Variants in KIAA1217 observed in about 807,000 individuals in gnomAD.
The protein encoded by KIAA1217 is sickle tail protein homolog.
KIAA1217 carries 88 observed loss-of-function variants against 163.9 expected under a neutral mutation model. That is an observed-to-expected ratio of 0.54 (90% CI 0.45 to 0.64). KIAA1217 has a LOEUF of 0.64. Among genes scored for constraint, KIAA1217 ranks in the 30% least tolerant of loss-of-function variants. The pLI, the probability that KIAA1217 is intolerant of heterozygous loss-of-function variation, is 0.00. For missense variants in KIAA1217, 2,372 were observed against 2,475.0 expected (o/e 0.96, Z 0.88); for synonymous variants, 903 against 923.1 (o/e 0.98, Z 0.39).
intron 1 of KIAA1217, among the ~76,000 whole-genome samples, chr10:24,001,920 A>G (rs1217509540): frequency 6.6e-6 from 1 of 152,108 alleles, no homozygotes; most frequent in Non-Finnish European, 1.5e-5. Flanking sequence ...TTTCAGGCAG[A>G]TACTGGATAT....
rs182009045 is a variant in KIAA1217, at chr10:24,495,330, C to G, written c.1834+134C>G. 120 of 648,204 alleles carry G rather than the reference C, an allele frequency of 1.9e-4. No homozygotes were observed. The East Asian group carries it at 3.3e-3, about 18-fold the overall frequency. 40.2% of individuals were successfully genotyped at this position (648,204 alleles called of 1,614,324 possible). A position where few individuals can be genotyped will look rare whatever the true frequency, so the allele number is the denominator to read the frequency against. Reference sequence around the variant, plus strand: ...GTCAGGGGATTCCTAGATATTCCTGCCAATACTGAAATTCCAGATTTATTC... The same window carrying G: ...GTCAGGGGATTCCTAGATATTCCTGGCAATACTGAAATTCCAGATTTATTC... On this transcript the variant is annotated intron_variant, in intron 8 of 20. Transcript: ENST00000376454.
At chr10:24,509,521 TC>T (rs1476527079) in intron 9 of KIAA1217, among the ~76,000 whole-genome samples, 1 of 152,232 alleles carries the variant, frequency 6.6e-6, no homozygotes, top group African/African-American at 2.4e-5. Flanking sequence ...CGTTGTATTT[TC>T]CAATATTTCT....
chr10:24,263,746 G>A (rs549927157), intron 2 of KIAA1217, among the ~76,000 whole-genome samples: 13 of 152,284 alleles, frequency 8.5e-5, no homozygotes, highest in Middle Eastern at 3.4e-3. Context: ...GTTACGAGAT[G>A]CCTCTAACAT....
chr10:23,890,969 T>A (rs1841392874), intron 1 of KIAA1217, among the ~76,000 whole-genome samples: 1 of 151,998 alleles, frequency 6.6e-6, no homozygotes, highest in Non-Finnish European at 1.5e-5. Context: ...ATAAATTTCC[T>A]TTTTACCATT....
rs536272893 is a variant in KIAA1217, at chr10:23,829,287, G to A, written c.-321+134053G>A. ...CTATTCACTTATCATCTAATTTCCC[G>A]TTACCTGGATAATTACTGGACACTT... On this transcript the variant is annotated intron_variant, in intron 1 of 18. Coordinates refer to the KIAA1217 transcript ENST00000376462. 2.6e-4 allele frequency among the ~76,000 whole-genome samples: 39 copies of A among 152,200 alleles called. 1 individual carries two copies. Among genetic ancestry groups the A allele is most frequent in the Middle Eastern group, 3.4e-3 (1 of 294 alleles).
intron 1 of KIAA1217, among the ~76,000 whole-genome samples, chr10:23,904,582 A>G (rs769335519): frequency 1.3e-5 from 2 of 152,096 alleles, no homozygotes; most frequent in African/African-American, 2.4e-5. Context: ...GAGTCATGGC[A>G]GCAGGGGAAA....
At chr10:23,773,013 A>G (rs1375879093) in intron 1 of KIAA1217, among the ~76,000 whole-genome samples, 2 of 152,202 alleles carry the variant, frequency 1.3e-5, no homozygotes, top group Admixed American at 1.3e-4. Flanking sequence ...ATTCTCGCTT[A>G]TGGAGTGGGG....
At chr10:23,767,033 G>A (rs1351249897) in intron 1 of KIAA1217, among the ~76,000 whole-genome samples, 2 of 152,206 alleles carry the variant, frequency 1.3e-5, no homozygotes, top group South Asian at 2.1e-4. Flanking sequence ...GATTAGCTGG[G>A]TTATGCAGGA....
chr10:24,312,627 CA>C (rs931164185), intron 2 of KIAA1217, among the ~76,000 whole-genome samples: 28 of 150,474 alleles, frequency 1.9e-4, no homozygotes, highest in Admixed American at 1.7e-3. Flanking sequence ...CAAAACCAAA[CA>C]AAAAAAAGGT....
intron 2 of KIAA1217, among the ~76,000 whole-genome samples, chr10:24,228,220 C>T (rs2070863665): frequency 6.6e-6 from 1 of 152,022 alleles, no homozygotes; most frequent in African/African-American, 2.4e-5. Flanking sequence ...TGTGATTGTA[C>T]CACTGCACTT....
chr10:23,791,913 T>C (rs7078733), intron 1 of KIAA1217, among the ~76,000 whole-genome samples: 32,661 of 152,126 alleles, frequency 0.21, 3,656 homozygotes, highest in Middle Eastern at 0.28. Flanking sequence ...TGAAGACTAA[T>C]CCAGAATAAT....
In KIAA1217 at chr10:24,546,277, G is replaced by A; in HGVS notation, c.5785G>A (p.Gly1929Arg). Residue 1929 changes from glycine (G) to arginine (R), a missense_variant, in exon 21 of 21, where the codon GGA (glycine) becomes AGA (arginine). This residue lies in a region of KIAA1217 where 690 missense variants were observed against 677.5 expected (regional missense o/e 1.02). Transcript: ENST00000376454. The part of the protein sequence containing the change: ...PSLTSYKAQN[G>R]SSSKATPSTA... ...CCTCACCAGCTACAAGGCACAGAAT[G>A]GAAGTTCAAGCAAAGCCACCCCATC... is the stretch of plus-strand genomic sequence containing the variant. 6.2e-7 allele frequency: 1 copy of A among 1,612,978 alleles called. No homozygotes were observed. Among genetic ancestry groups the A allele is most frequent in the Non-Finnish European group, 8.5e-7 (1 of 1,179,342 alleles).
At chr10:23,953,576 G>A (rs1844433747) in intron 1 of KIAA1217, among the ~76,000 whole-genome samples, 1 of 152,256 alleles carries the variant, frequency 6.6e-6, no homozygotes, top group South Asian at 2.1e-4. Flanking sequence ...ACCATTAAGG[G>A]GAAACATTAG....
In KIAA1217 at chr10:24,044,887, T is replaced by G. The variant is rs140240377; in HGVS notation, c.-171+37513T>G. ...GTTATAGTCATAGAACGCCCCTTTT[T>G]TTCTAGATGCTTTTCTCTGCATTCC... On this transcript the variant is annotated intron_variant, in intron 2 of 18. Coordinates refer to the KIAA1217 transcript ENST00000376462. Among the ~76,000 whole-genome samples the G allele has an allele frequency of 6.2e-3, 937 of 152,162 alleles. 5 individuals carry two copies. Among genetic ancestry groups the G allele is most frequent in the African/African-American group, 0.022 (904 of 41,560 alleles).
chr10:24,521,492 G>A (rs1194287724), intron 11 of KIAA1217, among the ~76,000 whole-genome samples: 1 of 152,166 alleles, frequency 6.6e-6, no homozygotes, highest in Non-Finnish European at 1.5e-5. Context: ...GGATGACAGA[G>A]TGAGACCCTG....
rs532613474 is a variant in KIAA1217, at chr10:24,445,861, A to G, written c.846+7382A>G. Among the ~76,000 whole-genome samples, 5 of 152,246 alleles carry G rather than the reference A, an allele frequency of 3.3e-5. No homozygotes were observed. The East Asian group carries it at 7.7e-4, about 24-fold the overall frequency. On this transcript the variant is annotated intron_variant, in intron 5 of 20. Transcript: ENST00000376454. ...AACATACCTGTGCATGTGTCTTTATAGCAGCGTGATTTATAATCCTTTGGG... is the reference window on the plus strand; with the variant it reads ...AACATACCTGTGCATGTGTCTTTATGGCAGCGTGATTTATAATCCTTTGGG...
intron 2 of KIAA1217, among the ~76,000 whole-genome samples, chr10:24,037,480 ACT>A (rs1187721694): frequency 6.6e-6 from 1 of 152,016 alleles, no homozygotes; most frequent in Admixed American, 6.6e-5. Flanking sequence ...ATAGAGCAAG[ACT>A]CTGTCTCAAA....
At chr10:24,318,876 T>G (rs1402758246) in intron 2 of KIAA1217, among the ~76,000 whole-genome samples, 12 of 152,212 alleles carry the variant, frequency 7.9e-5, no homozygotes, top group Admixed American at 7.2e-4. Context: ...CAAGTATTGC[T>G]GTGTTTCCCT....
At chr10:23,983,844 G>GAATTA (rs1845866375) in intron 1 of KIAA1217, among the ~76,000 whole-genome samples, 1 of 152,196 alleles carries the variant, frequency 6.6e-6, no homozygotes. Flanking sequence ...TCTCATGATT[G>GAATTA]ACATTAGGTC....
Sources: gnomAD v4.1 joint callset for allele counts (sites outside exome capture counted in the v4.1 genomes callset) on GRCh38, gnomAD v4.1.1 for gene constraint, gnomAD v4.1.1 regional missense constraint, MANE v1.5 for transcripts, NCBI Gene and HGNC (gene_info 2026-07-23, HGNC 2026-07-21) for gene names.